Variants in AUTS2 observed in about 807,000 individuals in gnomAD.
AUTS2 encodes the protein activator of transcription and developmental regulator AUTS2.
AUTS2 carries 17 observed loss-of-function variants against 112.4 expected under a neutral mutation model. The observed-to-expected ratio is 0.15, with a 90% confidence interval of 0.10 to 0.23. The LOEUF is 0.23. AUTS2 is among the 10% of genes least tolerant of loss of function. The probability of loss-of-function intolerance (pLI) is 1.00; values close to 1 mark genes in which losing one functional copy is unlikely to be tolerated. For synonymous variants in AUTS2, 751 were observed against 702.7 expected, an observed-to-expected ratio of 1.07 and a Z score of -1.09; for missense variants, 1,510 against 1,701.6, an observed-to-expected ratio of 0.89 and a Z score of 1.98.
chr7:70,118,201 C>T lies in AUTS2; in HGVS notation c.592C>T (p.His198Tyr), dbSNP rs1485054025. 1 of 1,607,498 alleles carries T rather than the reference C, an allele frequency of 6.2e-7. No homozygotes were observed. Among genetic ancestry groups the T allele is most frequent in the African/African-American group, 1.4e-5 (1 of 73,310 alleles). ...ESASGESKGF[H>Y]RSSSRERLSD... ...TGCCAGTGGAGAATCCAAGGGCTTC[C>T]ACCGGAGCAGCTCTCGGGAAAGGCT... The change falls in exon 3 of 19, where the codon CAC becomes TAC. Residue 198 changes from histidine (H) to tyrosine (Y), a missense_variant. Transcript: ENST00000342771.
chr7:70,088,426 C>T (rs1177998004), intron 2 of AUTS2, among the ~76,000 whole-genome samples: 10 of 151,918 alleles, frequency 6.6e-5, no homozygotes, highest in Non-Finnish European at 1.5e-4. Flanking sequence ...CGTGCCTGGC[C>T]ACAGGTTTCA....
chr7:70,695,585 G>C (rs1247646884), intron 5 of AUTS2, among the ~76,000 whole-genome samples: 4 of 151,820 alleles, frequency 2.6e-5, no homozygotes, highest in Non-Finnish European at 5.9e-5. Context: ...TGCGGAGGGC[G>C]GCCCCCGGGG....
At chr7:69,790,707 A>G (rs1789575083) in intron 1 of AUTS2, among the ~76,000 whole-genome samples, 1 of 152,258 alleles carries the variant, frequency 6.6e-6, no homozygotes, top group Non-Finnish European at 1.5e-5. Flanking sequence ...TGTTTATCAG[A>G]GCATAGTCTC....
chr7:69,903,651 C>G (rs941176677), intron 2 of AUTS2, among the ~76,000 whole-genome samples: 1 of 152,112 alleles, frequency 6.6e-6, no homozygotes, highest in Non-Finnish European at 1.5e-5. Flanking sequence ...CTGTGGTCTC[C>G]CTCCTTAACT....
At chr7:69,671,141 G>C (rs764408709) in intron 1 of AUTS2, among the ~76,000 whole-genome samples, 1 of 152,164 alleles carries the variant, frequency 6.6e-6, no homozygotes, top group Non-Finnish European at 1.5e-5. Context: ...TAAGCAGTGT[G>C]GCTGCCCATT....
rs549322623 is a variant in AUTS2, at chr7:69,798,864, G to A, written c.310-100422G>A. 3.0e-4 allele frequency among the ~76,000 whole-genome samples: 45 copies of A among 152,036 alleles called. No homozygotes were observed. The South Asian group carries it at 7.9e-3, about 27-fold the overall frequency. On this transcript the variant is annotated intron_variant, in intron 1 of 18. Transcript: ENST00000342771. ...ATTTTAGCTGGGTGTGATGGTGCAC[G>A]CCTGTAGTCCCAGCTACTTGGGAGG...
At chr7:70,352,992 T>A (rs1791835768) in intron 4 of AUTS2, among the ~76,000 whole-genome samples, 1 of 152,218 alleles carries the variant, frequency 6.6e-6, no homozygotes, top group Non-Finnish European at 1.5e-5. Context: ...TTGTTTCATC[T>A]GTTTAATAGT....
chr7:70,121,154 A>G (rs962434552), intron 3 of AUTS2, among the ~76,000 whole-genome samples: 1 of 152,216 alleles, frequency 6.6e-6, no homozygotes, highest in African/African-American at 2.4e-5. Context: ...TGTGCAAAAG[A>G]ATGAAATTGG....
intron 4 of AUTS2, among the ~76,000 whole-genome samples, chr7:70,277,570 T>C (rs1787987572): frequency 6.6e-6 from 1 of 152,210 alleles, no homozygotes; most frequent in Non-Finnish European, 1.5e-5. Flanking sequence ...GGTCACATCA[T>C]TGCTTGAGGC....
At chr7:70,207,304 T>G (rs911048253) in intron 4 of AUTS2, among the ~76,000 whole-genome samples, 3 of 152,230 alleles carry the variant, frequency 2.0e-5, no homozygotes, top group African/African-American at 7.2e-5. Context: ...CTTCTCACAC[T>G]GTCCATTCAG....
intron 5 of AUTS2, among the ~76,000 whole-genome samples, chr7:70,542,868 C>T (rs1800609717): frequency 2.0e-5 from 3 of 152,146 alleles, no homozygotes; most frequent in Admixed American, 2.0e-4. Context: ...GGCATCAACT[C>T]CCTGACCTCC....
At chr7:69,817,810 G>A (rs1318166724) in intron 1 of AUTS2, among the ~76,000 whole-genome samples, 6 of 152,152 alleles carry the variant, frequency 3.9e-5, no homozygotes, top group Non-Finnish European at 8.8e-5. Context: ...ATGAGAACCT[G>A]CCTCTGGACC....
intron 5 of AUTS2, among the ~76,000 whole-genome samples, chr7:70,663,582 A>G (rs1246282643): frequency 1.3e-5 from 2 of 151,086 alleles, no homozygotes; most frequent in South Asian, 2.1e-4. Flanking sequence ...TGGCTTTGCC[A>G]TCTCGTAAGC....
chr7:70,510,968 C>T (rs762551159), intron 5 of AUTS2, among the ~76,000 whole-genome samples: 36 of 152,106 alleles, frequency 2.4e-4, no homozygotes, highest in Non-Finnish European at 4.4e-4. Context: ...CCTGCCTCAG[C>T]CTCCTGAGTA....
intron 5 of AUTS2, among the ~76,000 whole-genome samples, chr7:70,511,961 GA>G (rs1483884933): frequency 1.1e-4 from 16 of 152,244 alleles, no homozygotes; most frequent in Admixed American, 1.3e-4. Context: ...CAGCCTACCT[GA>G]ACCCCACCCA....
chr7:69,918,058 G>C (rs1025843765), intron 2 of AUTS2, among the ~76,000 whole-genome samples: 6 of 152,190 alleles, frequency 3.9e-5, no homozygotes, highest in Non-Finnish European at 8.8e-5. Context: ...GGCCAGGATG[G>C]TCTTGATTTC....
intron 4 of AUTS2, among the ~76,000 whole-genome samples, chr7:70,353,303 A>T (rs543473939): frequency 2.0e-4 from 31 of 152,360 alleles, no homozygotes; most frequent in Non-Finnish European, 3.8e-4. Flanking sequence ...GACTCAAAGC[A>T]TGAAAAATTT....
intron 1 of AUTS2, among the ~76,000 whole-genome samples, chr7:69,662,788 T>G (rs1022607164): frequency 2.0e-5 from 3 of 152,178 alleles, no homozygotes; most frequent in African/African-American, 7.2e-5. Context: ...TGAGGAGGAT[T>G]GTAGTAAAAT....
At position 69,928,693 on chromosome 7, in the gene AUTS2, C is replaced by T. The variant is rs183077656; in HGVS notation, c.522+29195C>T. The stretch of plus-strand genomic sequence containing the variant: ...GAGAGGCCAGAGAAGCAGGAGCAGG[C>T]ACTTCTGAGCCTGCAGGGCTTCCCG... On this transcript the variant is annotated intron_variant, in intron 2 of 18. Coordinates refer to ENST00000342771, the MANE Select transcript of AUTS2 (RefSeq NM_015570.4). Among the ~76,000 whole-genome samples the T allele has an allele frequency of 2.7e-3, 415 of 152,214 alleles. 3 individuals are homozygous for T. Among genetic ancestry groups the T allele is most frequent in the Non-Finnish European group, 2.7e-3 (184 of 67,996 alleles).
Sources: gnomAD v4.1 joint callset for allele counts (sites outside exome capture counted in the v4.1 genomes callset) on GRCh38, gnomAD v4.1.1 for gene constraint, MANE v1.5 for transcripts, NCBI Gene and HGNC (gene_info 2026-07-23, HGNC 2026-07-21) for gene names.